Variants in CCDC88C observed in about 807,000 individuals in gnomAD.
CCDC88C encodes protein Daple.
CCDC88C carries 131 observed loss-of-function variants against 198.8 expected under a neutral mutation model. The observed-to-expected ratio is 0.66, with a 90% CI of 0.57 to 0.76. CCDC88C has a LOEUF of 0.76. Among genes scored for constraint, CCDC88C ranks in the 30% least tolerant of loss-of-function variants. CCDC88C has a pLI of 0.00. For synonymous variants in CCDC88C, 1,166 were observed against 1,114.7 expected (o/e 1.05, Z -0.92); for missense variants, 2,553 against 2,631.6 (o/e 0.97, Z 0.65).
chr14:91,413,246 C>T (rs1312272125), intron 2 of CCDC88C, among the ~76,000 whole-genome samples: 3 of 152,124 alleles, frequency 2.0e-5, no homozygotes, highest in Non-Finnish European at 4.4e-5. Flanking sequence ...CAGATCTGGG[C>T]CTCATCTGCA....
At position 91,274,424 on chromosome 14, in the gene CCDC88C, G is replaced by A. The variant is rs115833366; in HGVS notation, c.5059-771C>T. The stretch of plus-strand genomic sequence containing the variant: ...AGAGCCACAGAGGCAAGGGTCTATG[G>A]CCCCACTCAGGAACTGCAGCCTTCT... On this transcript the variant is annotated intron_variant, in intron 29 of 29. Transcript: ENST00000389857. Among the ~76,000 whole-genome samples, 163 of 152,318 alleles carry A rather than the reference G, an allele frequency of 1.1e-3. 1 individual carries two copies. The highest frequency in any genetic ancestry group is 3.8e-3 in the African/African-American group (156 of 41,578).
chr14:91,379,505 A>G lies in CCDC88C; in HGVS notation c.271-19794T>C. On this transcript the variant is annotated intron_variant, in intron 3 of 29. Coordinates refer to ENST00000389857, the MANE Select transcript of CCDC88C (RefSeq NM_001080414.4). ...CCCGGGGCAGCTAGGAACTGGGCCC[A>G]CACATGTGCTGTTGCAAGGTCTTCT... 3 of 375,768 alleles carry G rather than the reference A, an allele frequency of 8.0e-6. No homozygotes were observed. In the South Asian group the frequency reaches 1.0e-4, roughly 13 times the overall value. The allele number at this position is 375,768 out of a possible 1,614,324, so 23.3% of individuals were successfully genotyped here.
rs1254025730 is a variant in CCDC88C, at chr14:91,313,859, A to G, written c.1957T>C (p.Ser653Pro). Residue 653 changes from serine to proline, a missense_variant, in exon 15 of 30, where the codon TCC becomes CCC. Physicochemically the swap from Ser to Pro is moderately conservative, Grantham distance 74 (BLOSUM62 -1). This residue lies in a region of CCDC88C where 1,260 missense variants were observed against 1,412.0 expected (regional missense o/e 0.89). Coordinates refer to ENST00000389857, the MANE Select transcript of CCDC88C (RefSeq NM_001080414.4). The surrounding 1 kb of genome is among the most constrained non-coding windows in gnomAD (Gnocchi z 5.2). ...ENGRLARKVT[S>P]LETATEKVEA... is the part of the protein sequence containing the mutation. The stretch of plus-strand genomic sequence containing the variant: ...ACTTTCTCGGTGGCTGTCTCCAGGG[A>G]GGTCACCTTCCTGGCCAGCCTCCCG... 8.8e-6 allele frequency: 14 copies of G among 1,595,682 alleles called. No individual in the cohort carries two copies. The highest frequency in any genetic ancestry group is 1.4e-5 in the African/African-American group (1 of 71,506).
chr14:91,390,945 C>T (rs1211821763), intron 3 of CCDC88C, among the ~76,000 whole-genome samples: 2 of 152,158 alleles, frequency 1.3e-5, no homozygotes, highest in African/African-American at 2.4e-5. Context: ...TCCCAGGGTC[C>T]TTGGTTTCTC....
intron 11 of CCDC88C, 42 bp from the exon 12 acceptor site, chr14:91,324,965 T>A: frequency 6.2e-7 from 1 of 1,610,906 alleles, no homozygotes; most frequent in South Asian, 1.1e-5. Context: ...GCTGCACAGC[T>A]GGAGATCCCC....
At chr14:91,390,407 C>G (rs921254996) in intron 3 of CCDC88C, among the ~76,000 whole-genome samples, 1 of 152,190 alleles carries the variant, frequency 6.6e-6, no homozygotes, top group African/African-American at 2.4e-5. Flanking sequence ...AGTGCAACAC[C>G]GAAAGTATGC....
intron 3 of CCDC88C, among the ~76,000 whole-genome samples, chr14:91,376,260 T>A (rs2139939663): frequency 6.6e-6 from 1 of 152,236 alleles, no homozygotes; most frequent in East Asian, 1.9e-4. Flanking sequence ...GTCTGGCTGG[T>A]GGTGGGGGCG....
At chr14:91,310,604 T>C (rs1299795134) in intron 15 of CCDC88C, among the ~76,000 whole-genome samples, 2 of 152,120 alleles carry the variant, frequency 1.3e-5, no homozygotes, top group African/African-American at 2.4e-5. Context: ...AGAGATGGGG[T>C]CTTGCTATAT....
At chr14:91,299,428 A>C (rs1891172531) in intron 21 of CCDC88C, among the ~76,000 whole-genome samples, 1 of 152,232 alleles carries the variant, frequency 6.6e-6, no homozygotes, top group South Asian at 2.1e-4. Context: ...ACAAGAAGGC[A>C]GCGTGCTGTC....
rs185693123 is a variant in CCDC88C at position 91,402,730 on chromosome 14, T to C, written c.270+5929A>G. 4.8e-3 allele frequency among the ~76,000 whole-genome samples: 729 copies of C among 152,210 alleles called. 1 individual carries two copies. The highest frequency in any genetic ancestry group is 7.9e-3 in the Non-Finnish European group (537 of 68,008). On this transcript the variant is annotated intron_variant, in intron 3 of 29. Transcript: ENST00000389857. ...AAAAAAGGAAAAGGTCTCAAGCAAA[T>C]ATGGAAAAATAGAACCGTATGTTCA... is the stretch of plus-strand genomic sequence containing the variant.
intron 6 of CCDC88C, among the ~76,000 whole-genome samples, chr14:91,340,895 G>A (rs185071336): frequency 4.6e-5 from 7 of 152,236 alleles, no homozygotes; most frequent in Non-Finnish European, 7.4e-5. Flanking sequence ...CCAGCTACTT[G>A]GGAGGCTGGG....
chr14:91,289,546 G>C (rs1890572703), intron 24 of CCDC88C, among the ~76,000 whole-genome samples: 1 of 152,184 alleles, frequency 6.6e-6, no homozygotes, highest in Non-Finnish European at 1.5e-5. Context: ...GTTTGGCACA[G>C]GGCTGGGGAT....
intron 10 of CCDC88C, 27 bp from the exon 11 acceptor site, chr14:91,326,083 C>T: frequency 6.2e-7 from 1 of 1,600,414 alleles, no homozygotes; most frequent in South Asian, 1.1e-5. Flanking sequence ...TACATGAGAA[C>T]CATCAGATAA....
At position 91,416,753 on chromosome 14, in the gene CCDC88C, T is replaced by C. The variant is rs1887078928; in HGVS notation, c.146A>G (p.Gln49Arg). ...GGTAACTTACATTTGCAGCATAATT[T>C]GGTTCAAAAAGATGCCGTCCACTAA... ...MDLVDGIFLN[Q>R]IMLQIDPRPT... The change falls in exon 2 of 30, where the codon CAA becomes CGA. Residue 49 changes from glutamine (Q) to arginine (R), a missense_variant. Physicochemically the swap from Gln to Arg is conservative, Grantham distance 43. Transcript: ENST00000389857. The C allele has an allele frequency of 2.5e-6, 4 of 1,610,872 alleles. No individual in the cohort carries two copies. In the East Asian group the frequency reaches 8.9e-5, roughly 36 times the overall value.
At chr14:91,334,637 C>T (rs1458168339) in intron 10 of CCDC88C, among the ~76,000 whole-genome samples, 2 of 150,390 alleles carry the variant, frequency 1.3e-5, no homozygotes, top group Non-Finnish European at 3.0e-5. Context: ...TGGAAATATG[C>T]ATCGCCACAC....
intron 3 of CCDC88C, among the ~76,000 whole-genome samples, chr14:91,373,933 C>A (rs1415486629): frequency 6.6e-6 from 1 of 152,212 alleles, no homozygotes; most frequent in African/African-American, 2.4e-5. Context: ...CGGCAATGAT[C>A]ACTTCCTCAG....
At chr14:91,394,845 A>G (rs957065489) in intron 3 of CCDC88C, among the ~76,000 whole-genome samples, 1 of 152,212 alleles carries the variant, frequency 6.6e-6, no homozygotes, top group African/African-American at 2.4e-5. Flanking sequence ...AATGAATCAG[A>G]GCGCATTACT....
At chr14:91,408,569 C>T (rs533647924) in intron 3 of CCDC88C, 90 bp downstream of exon 3, 20 of 809,994 alleles carry the variant, frequency 2.5e-5, no homozygotes, top group African/African-American at 2.0e-4. Flanking sequence ...ACATAAGCAC[C>T]GTTTCCTCCC....
At chr14:91,390,440 G>A (rs1885439251) in intron 3 of CCDC88C, among the ~76,000 whole-genome samples, 1 of 152,212 alleles carries the variant, frequency 6.6e-6, no homozygotes, top group African/African-American at 2.4e-5. Flanking sequence ...GCTAAATGAA[G>A]AAAAACCAAG....
Sources: gnomAD v4.1 joint callset for allele counts (sites outside exome capture counted in the v4.1 genomes callset) on GRCh38, gnomAD v4.1.1 for gene constraint, gnomAD v4.1.1 regional missense constraint, Gnocchi (gnomAD v3.1) non-coding constraint, MANE v1.5 for transcripts, NCBI Gene and HGNC (gene_info 2026-07-23, HGNC 2026-07-21) for gene names.